The following CBFA2T3 variants were observed in gnomAD, a reference collection of about 807,000 sequenced individuals.
CBFA2T3 encodes transcriptional corepressor CBFA2T3.
Under a neutral mutation model 58.6 loss-of-function variants are expected in CBFA2T3, and 31 were observed. The observed-to-expected ratio is 0.53, with a 90% CI of 0.40 to 0.71. CBFA2T3 has a LOEUF of 0.71. CBFA2T3 is among the 30% of genes least tolerant of loss of function. CBFA2T3 has a pLI of 0.00. For missense variants in CBFA2T3, 1,076 were observed against 963.1 expected (o/e 1.12, Z -1.55); for synonymous variants, 531 against 421.9 (o/e 1.26, Z -3.17).
intron 4 of CBFA2T3, 75 bp from the exon 5 acceptor site, chr16:88,892,046 G>C (rs1399884256): frequency 7.0e-7 from 1 of 1,421,186 alleles, no homozygotes; most frequent in African/African-American, 1.4e-5. Flanking sequence ...CATGCCTGAG[G>C]AGGAGGCTTC....
chr16:88,918,368 G>C (rs960063288), intron 1 of CBFA2T3, among the ~76,000 whole-genome samples: 1 of 152,218 alleles, frequency 6.6e-6, no homozygotes, highest in African/African-American at 2.4e-5. Context: ...CATCAGAAGG[G>C]GCCCTGATCC....
At chr16:88,945,139 G>A (rs753628783) in intron 1 of CBFA2T3, among the ~76,000 whole-genome samples, 10 of 152,112 alleles carry the variant, frequency 6.6e-5, no homozygotes, top group Non-Finnish European at 1.3e-4. Context: ...AAAAATAAGC[G>A]GGTGGCTAAT....
Position 88,886,100 on chromosome 16 carries a change from G to A in CBFA2T3, c.754C>T (p.Arg252Cys), listed in dbSNP as rs374866232. The A allele has an allele frequency of 8.2e-6, 13 of 1,586,570 alleles. No homozygotes were observed. The highest frequency in any genetic ancestry group is 1.7e-5 in the Admixed American group (1 of 58,082). The stretch of plus-strand genomic sequence containing the variant: ...TGGGCGGGCGTCTGCTTGGCCAGGC[G>A]TGCACAGTGCAGGAGCTCCCGCTGC... Reference protein sequence around the residue: ...LLQRELLHCARLAKQTPAQYL... With the variant: ...LLQRELLHCACLAKQTPAQYL... The change falls in exon 6 of 12, where the codon CGC becomes TGC. Residue 252 changes from arginine (R) to cysteine (C), a missense_variant. Arg to Cys is a radical substitution (Grantham distance 180). Coordinates refer to ENST00000268679, the MANE Select transcript of CBFA2T3 (RefSeq NM_005187.6).
At chr16:88,916,311 TGTGTATTCATGC>T (rs1172411554) in intron 1 of CBFA2T3, among the ~76,000 whole-genome samples, 2 of 149,124 alleles carry the variant, frequency 1.3e-5, no homozygotes, top group African/African-American at 2.6e-5. Flanking sequence ...GGTGTATGCG[TGTGTATTCATGC>T]GTGTATTCAT....
At chr16:88,882,463 G>A (rs545535188) in intron 8 of CBFA2T3, among the ~76,000 whole-genome samples, 2 of 145,968 alleles carry the variant, frequency 1.4e-5, no homozygotes, top group East Asian at 4.1e-4. Flanking sequence ...GCGTGGCTGT[G>A]TGCGTGGGGG....
At chr16:88,961,242 C>T (rs1190476934) in intron 1 of CBFA2T3, among the ~76,000 whole-genome samples, 5 of 152,226 alleles carry the variant, frequency 3.3e-5, no homozygotes, top group South Asian at 2.1e-4. Context: ...AGACAGGGGG[C>T]GCACGGGGAG....
intron 1 of CBFA2T3, among the ~76,000 whole-genome samples, chr16:88,952,100 A>G (rs1972088819): frequency 2.0e-5 from 3 of 152,304 alleles, no homozygotes. Flanking sequence ...TGCTCTGGGC[A>G]CCTGAGTGCT....
chr16:88,946,350 A>G (rs982238816), intron 1 of CBFA2T3, among the ~76,000 whole-genome samples: 7 of 152,188 alleles, frequency 4.6e-5, no homozygotes, highest in Non-Finnish European at 7.3e-5. Context: ...TAAGAAGTCA[A>G]TCTGAAAAGG....
At chr16:88,941,146 T>C (rs1357727825) in intron 1 of CBFA2T3, 138 of 983,016 alleles carry the variant, frequency 1.4e-4, no homozygotes, top group Non-Finnish European at 1.6e-4. Flanking sequence ...CGCTGTCTTC[T>C]GGCGCCGCAC....
rs190874816 is a variant in CBFA2T3 at position 88,916,002 on chromosome 16, G to C, written c.152-14346C>G. Reference sequence around the variant, plus strand: ...TTCATGTGTGTCCATGGGTGCCTGTGTGCATGGGTGTGTGTCCGTGTGTAT... The same window carrying C: ...TTCATGTGTGTCCATGGGTGCCTGTCTGCATGGGTGTGTGTCCGTGTGTAT... On this transcript the variant is annotated intron_variant, in intron 1 of 11. Coordinates refer to ENST00000268679, the MANE Select transcript of CBFA2T3 (RefSeq NM_005187.6). Among the ~76,000 whole-genome samples, 556 of 152,200 alleles carry C rather than the reference G, an allele frequency of 3.7e-3. 1 individual carries two copies. The highest frequency in any genetic ancestry group is 0.013 in the African/African-American group (533 of 41,500).
At position 88,921,546 on chromosome 16, in the gene CBFA2T3, C is replaced by T. The variant is rs535859801; in HGVS notation, c.152-19890G>A. On this transcript the variant is annotated intron_variant, in intron 1 of 11. Coordinates refer to ENST00000268679, the MANE Select transcript of CBFA2T3 (RefSeq NM_005187.6). ...GTCCAGCCCCTGCCCCTCTCCTGCC[C>T]TCCCTCTCTGTCTGCAGCCCCCTGC... is the stretch of plus-strand genomic sequence containing the variant. 7.6e-3 allele frequency among the ~76,000 whole-genome samples: 1,152 copies of T among 152,088 alleles called. 17 individuals are homozygous for T. Among genetic ancestry groups the T allele is most frequent in the African/African-American group, 0.027 (1,100 of 41,456 alleles).
chr16:88,911,448 G>C (rs913787311), intron 1 of CBFA2T3, among the ~76,000 whole-genome samples: 1 of 152,234 alleles, frequency 6.6e-6, no homozygotes, highest in South Asian at 2.1e-4. Flanking sequence ...AAAGGCTTTC[G>C]TAAACTCAAA....
At chr16:88,886,771 G>A (rs1030149804) in intron 5 of CBFA2T3, 6 of 152,484 alleles carry the variant, frequency 3.9e-5, no homozygotes, top group Admixed American at 6.5e-5. Context: ...GGACACCCAC[G>A]TTCTGTGGCT....
intron 1 of CBFA2T3, among the ~76,000 whole-genome samples, chr16:88,952,327 C>T (rs976493622): frequency 2.0e-5 from 3 of 152,154 alleles, no homozygotes; most frequent in African/African-American, 4.8e-5. Flanking sequence ...GTCCTTCTCC[C>T]GTGGGGCACT....
chr16:88,937,338 G>A (rs776380014), intron 1 of CBFA2T3: 1 of 152,430 alleles, frequency 6.6e-6, no homozygotes, highest in Middle Eastern at 3.4e-3. Context: ...ACGCTGTCGT[G>A]AGCCTCCCTC....
At chr16:88,914,353 G>T (rs1356384531) in intron 1 of CBFA2T3, among the ~76,000 whole-genome samples, 2 of 152,210 alleles carry the variant, frequency 1.3e-5, no homozygotes, top group Non-Finnish European at 2.9e-5. Context: ...GTGTGCACGT[G>T]ATGCTTTGTG....
intron 1 of CBFA2T3, among the ~76,000 whole-genome samples, chr16:88,903,199 C>T (rs1970168238): frequency 6.6e-6 from 1 of 152,258 alleles, no homozygotes; most frequent in African/African-American, 2.4e-5. Context: ...ATGACTTCTA[C>T]AGCGATCACA....
At chr16:88,890,029 G>A (rs567251856) in intron 5 of CBFA2T3, among the ~76,000 whole-genome samples, 7 of 143,814 alleles carry the variant, frequency 4.9e-5, no homozygotes, top group South Asian at 2.3e-4. Flanking sequence ...GATGCCCCGC[G>A]ATTCCTCCTC....
intron 1 of CBFA2T3, chr16:88,939,589 G>A (rs186857944): frequency 3.3e-5 from 5 of 152,242 alleles, no homozygotes; most frequent in Non-Finnish European, 5.9e-5. Context: ...CGGCCGCACA[G>A]AACAGGACCC....
Sources: gnomAD v4.1 joint callset for allele counts (sites outside exome capture counted in the v4.1 genomes callset) on GRCh38, gnomAD v4.1.1 for gene constraint, MANE v1.5 for transcripts, NCBI Gene and HGNC (gene_info 2026-07-23, HGNC 2026-07-21) for gene names.